The following GTF2A1 variants were observed in gnomAD, a reference collection of about 807,000 sequenced individuals.
GTF2A1 encodes transcription initiation factor IIA subunit 1.
GTF2A1 carries 12 observed loss-of-function variants against 54.1 expected under a neutral mutation model. That is an observed-to-expected ratio of 0.22 (90% CI 0.14 to 0.36). The LOEUF (loss-of-function observed/expected upper bound fraction) is 0.36, where lower values mean the gene tolerates loss of function less well. GTF2A1 is among the 10% of genes least tolerant of loss of function. The pLI is 1.00. For missense variants in GTF2A1, 335 were observed against 442.2 expected (o/e 0.76, Z 2.17); for synonymous variants, 145 against 152.0 (o/e 0.95, Z 0.34).
Position 81,176,317 on chromosome 14 carries a change from A to G in GTF2A1, c.*3906T>C, listed in dbSNP as rs1241335658. 6.6e-6 allele frequency: 1 copy of G among 152,150 alleles called. No homozygotes were observed. The highest frequency in any genetic ancestry group is 1.5e-5 in the Non-Finnish European group (1 of 67,988). 9.4% of individuals were successfully genotyped at this position (152,150 alleles called of 1,614,324 possible). On this transcript the variant is annotated 3_prime_UTR_variant, in exon 9 of 9. Coordinates refer to ENST00000553612, the MANE Select transcript of GTF2A1 (RefSeq NM_015859.4). ...TTGATCTGCAATGAATTTTACAAAC[A>G]TAATAAATATATTTACGCCATTACA...
chr14:81,211,325 G>C (rs932803716), intron 2 of GTF2A1, among the ~76,000 whole-genome samples: 6 of 152,056 alleles, frequency 3.9e-5, no homozygotes, highest in East Asian at 1.9e-4. Flanking sequence ...GCAGGTCACC[G>C]ACCATCAAAA....
intron 7 of GTF2A1, among the ~76,000 whole-genome samples, chr14:81,186,323 G>A (rs896695313): frequency 6.6e-6 from 1 of 152,186 alleles, no homozygotes; most frequent in Non-Finnish European, 1.5e-5. Context: ...GAGAAAAGAA[G>A]AGCAATGCAA....
rs764315318 is a variant in GTF2A1, at chr14:81,178,356, A to G, written c.*1867T>C. The G allele has an allele frequency of 6.0e-4, 92 of 152,126 alleles. No individual in the cohort carries two copies. Among genetic ancestry groups the G allele is most frequent in the Non-Finnish European group, 1.1e-3 (75 of 67,966 alleles). The allele number at this position is 152,126 out of a possible 1,614,324, so 9.4% of individuals were successfully genotyped here. A position where few individuals can be genotyped will look rare whatever the true frequency, so the allele number is the denominator to read the frequency against. On this transcript the variant is annotated 3_prime_UTR_variant, in exon 9 of 9. Transcript: ENST00000553612. ...CACTTCTGTGATGTTACTCCCTCCC[A>G]TTTCCTCTTCTCTCAGTCTTAATAA...
At chr14:81,203,502 G>C (rs1489979206) in intron 3 of GTF2A1, among the ~76,000 whole-genome samples, 1 of 152,080 alleles carries the variant, frequency 6.6e-6, no homozygotes, top group Non-Finnish European at 1.5e-5. Flanking sequence ...TATAGAGAAA[G>C]CAAATAACTA....
chr14:81,217,269 ATAG>A (rs779762039), intron 1 of GTF2A1, among the ~76,000 whole-genome samples: 4 of 152,248 alleles, frequency 2.6e-5, no homozygotes, highest in African/African-American at 4.8e-5. Flanking sequence ...TAAAATGAGA[ATAG>A]ATGTGAAAGA....
intron 6 of GTF2A1, among the ~76,000 whole-genome samples, chr14:81,193,590 C>A (rs1035396946): frequency 6.6e-6 from 1 of 152,142 alleles, no homozygotes; most frequent in Admixed American, 6.5e-5. Flanking sequence ...AAATATGAAC[C>A]ACCTGGCAAC....
chr14:81,183,805 G>A (rs750121532), intron 8 of GTF2A1, among the ~76,000 whole-genome samples: 5 of 152,118 alleles, frequency 3.3e-5, no homozygotes, highest in Admixed American at 1.3e-4. Context: ...TTTATTAGTC[G>A]TTCTATGATC....
chr14:81,220,997 C>G (rs1456384179), upstream of GTF2A1: 1 of 155,122 alleles, frequency 6.4e-6, no homozygotes, highest in Non-Finnish European at 1.4e-5. Flanking sequence ...AGGGCGGGGG[C>G]AGAGGTGGGC....
chr14:81,188,397 CA>C, intron 7 of GTF2A1, among the ~76,000 whole-genome samples: 1 of 151,218 alleles, frequency 6.6e-6, no homozygotes, highest in Middle Eastern at 3.5e-3. Context: ...CAAACAAAAA[CA>C]AAAACAAAAA....
chr14:81,186,019 A>C (rs1318419530), intron 7 of GTF2A1, among the ~76,000 whole-genome samples: 1 of 152,094 alleles, frequency 6.6e-6, no homozygotes, highest in Non-Finnish European at 1.5e-5. Flanking sequence ...CACCCAGCTA[A>C]TTTTTGTGTT....
At chr14:81,192,956 A>C in intron 6 of GTF2A1, 117 bp from the exon 7 acceptor site, 2 of 659,274 alleles carry the variant, frequency 3.0e-6, no homozygotes, top group Non-Finnish European at 5.3e-6. Flanking sequence ...ACACAGTTAA[A>C]AACTACCAAA....
rs1892574611 is a variant in GTF2A1 at position 81,178,536 on chromosome 14, CA to C, written c.*1686del. ...CTAGCATGCTAGACACCACCATTAA[CA>C]CCAAAGTTTAGAACATAAGTTAAAG... On this transcript the variant is annotated 3_prime_UTR_variant, in exon 9 of 9. Coordinates refer to ENST00000553612, the MANE Select transcript of GTF2A1 (RefSeq NM_015859.4). 2 of 152,100 alleles carry C rather than the reference CA, an allele frequency of 1.3e-5. No individual in the cohort carries two copies. The highest frequency in any genetic ancestry group is 2.1e-4 in the South Asian group (1 of 4,826). The allele number at this position is 152,100 out of a possible 1,614,324, so 9.4% of individuals were successfully genotyped here.
At chr14:81,188,973 A>G (rs778263634) in intron 7 of GTF2A1, among the ~76,000 whole-genome samples, 7 of 152,228 alleles carry the variant, frequency 4.6e-5, no homozygotes, top group Non-Finnish European at 1.0e-4. Flanking sequence ...GTTGAAGACT[A>G]TTCTGTCCCT....
intron 8 of GTF2A1, among the ~76,000 whole-genome samples, chr14:81,182,636 C>G (rs1261988058): frequency 6.6e-6 from 1 of 152,168 alleles, no homozygotes; most frequent in Non-Finnish European, 1.5e-5. Flanking sequence ...TTTCAGCAAC[C>G]TCTGCTTCCT....
chr14:81,196,454 T>C (rs546780332), intron 5 of GTF2A1, among the ~76,000 whole-genome samples: 1 of 152,354 alleles, frequency 6.6e-6, no homozygotes, highest in African/African-American at 2.4e-5. Context: ...AAATGTTTTA[T>C]TTTTCATATT....
chr14:81,200,655 G>C (rs1280223393), intron 4 of GTF2A1, among the ~76,000 whole-genome samples: 1 of 149,736 alleles, frequency 6.7e-6, no homozygotes, highest in Non-Finnish European at 1.5e-5. Flanking sequence ...TGAACGGAGG[G>C]AAAAAAAAAT....
intron 1 of GTF2A1, 126 bp from the exon 2 acceptor site, chr14:81,216,640 G>A (rs941824036): frequency 9.4e-6 from 5 of 531,506 alleles, no homozygotes; most frequent in African/African-American, 2.0e-5. Flanking sequence ...TTAAAGATAC[G>A]ACCACCATCA....
At chr14:81,212,344 C>T (rs996567523) in intron 2 of GTF2A1, among the ~76,000 whole-genome samples, 1 of 151,238 alleles carries the variant, frequency 6.6e-6, no homozygotes, top group Non-Finnish European at 1.5e-5. Context: ...CAGACACTCA[C>T]CAATCCAAAA....
At chr14:81,181,070 T>TAG (rs1892628188) in intron 8 of GTF2A1, among the ~76,000 whole-genome samples, 1 of 152,258 alleles carries the variant, frequency 6.6e-6, no homozygotes, top group South Asian at 2.1e-4. Flanking sequence ...TCCAGTCACT[T>TAG]ACACCAGATT....
Sources: allele counts gnomAD v4.1 joint callset (sites outside exome capture counted in the v4.1 genomes callset), GRCh38; gene constraint gnomAD v4.1.1; transcripts MANE v1.5; gene names NCBI Gene and HGNC (gene_info 2026-07-23, HGNC 2026-07-21).